The following PDE7B variants were observed in gnomAD, a reference collection of about 807,000 sequenced individuals.
The protein encoded by PDE7B is 3',5'-cyclic-AMP phosphodiesterase 7B.
PDE7B carries 29 observed loss-of-function variants against 56.2 expected under a neutral mutation model. The observed-to-expected ratio is 0.52, with a 90% confidence interval of 0.38 to 0.70. PDE7B has a LOEUF of 0.70. PDE7B is among the 30% of genes least tolerant of loss of function. The probability of loss-of-function intolerance (pLI) is 0.00; values close to 1 mark genes in which losing one functional copy is unlikely to be tolerated. For synonymous variants in PDE7B, 197 were observed against 196.9 expected (o/e 1.00, Z 0.00); for missense variants, 490 against 565.0 (o/e 0.87, Z 1.35).
intron 2 of PDE7B, among the ~76,000 whole-genome samples, chr6:136,028,560 T>C (rs1776189793): frequency 6.6e-6 from 1 of 152,236 alleles, no homozygotes; most frequent in Non-Finnish European, 1.5e-5. Context: ...CTGGAGGCTC[T>C]AAGGGATAAT....
intron 2 of PDE7B, among the ~76,000 whole-genome samples, chr6:136,056,511 C>A (rs78942122): frequency 7.5e-5 from 7 of 93,442 alleles, no homozygotes; most frequent in Middle Eastern, 7.8e-3. Context: ...CAGATAGAAT[C>A]CTTTTTTTTT....
At position 136,193,883 on chromosome 6, in the gene PDE7B, A is replaced by C. The variant is rs1021372609; in HGVS notation, c.*2043A>C. 1 of 152,210 alleles carries C rather than the reference A, an allele frequency of 6.6e-6. No individual in the cohort carries two copies. The highest frequency in any genetic ancestry group is 2.4e-5 in the African/African-American group (1 of 41,464). The allele number at this position is 152,210 out of a possible 1,614,324, so 9.4% of individuals were successfully genotyped here. A position where few individuals can be genotyped will look rare whatever the true frequency, so the allele number is the denominator to read the frequency against. On this transcript the variant is annotated 3_prime_UTR_variant, in exon 13 of 13. Coordinates refer to ENST00000308191, the MANE Select transcript of PDE7B (RefSeq NM_018945.4). ...AGAGATTATCAGATGGTGCTAAAGA[A>C]AGTGTGAAGATCTTATGAAATAGGT... is the stretch of plus-strand genomic sequence containing the variant.
rs1302211111 is a variant in PDE7B at position 136,147,412 on chromosome 6, A to G, written c.228A>G (p.Gln76=). 6.2e-7 allele frequency: 1 copy of G among 1,613,068 alleles called. No homozygotes were observed. The highest frequency in any genetic ancestry group is 8.5e-7 in the Non-Finnish European group (1 of 1,179,158). ...AGGTGAAAAGACTATTAAGCTTTCA[A>G]AGATACTTCCATGCATCAAGGCTGC... ...KKKVKRLLSF[Q]RYFHASRLLR... is the part of the protein sequence containing the mutation. The change falls in exon 4 of 13, where the codon CAA becomes CAG. Residue 76 remains glutamine, a synonymous_variant. Transcript: ENST00000308191.
intron 2 of PDE7B, among the ~76,000 whole-genome samples, chr6:136,066,517 T>C (rs376229026): frequency 2.2e-4 from 34 of 152,330 alleles, no homozygotes; most frequent in African/African-American, 7.9e-4. Flanking sequence ...AATAAGTTAA[T>C]GAAATAGGCA....
chr6:135,911,713 C>T (rs1776215172), intron 1 of PDE7B, among the ~76,000 whole-genome samples: 1 of 152,130 alleles, frequency 6.6e-6, no homozygotes, highest in African/African-American at 2.4e-5. Context: ...TCCAAATCTG[C>T]ACTATCCAAT....
chr6:136,184,260 G>A (rs879795334), intron 11 of PDE7B, among the ~76,000 whole-genome samples: 50 of 152,150 alleles, frequency 3.3e-4, no homozygotes, highest in Non-Finnish European at 1.5e-4. Context: ...GGTTAGCAAA[G>A]TGTCTGAAAC....
At chr6:135,998,881 G>C (rs560875050) in intron 2 of PDE7B, among the ~76,000 whole-genome samples, 194 of 152,228 alleles carry the variant, frequency 1.3e-3, no homozygotes, top group African/African-American at 4.4e-3. Context: ...GAGAAAGAGA[G>C]AGGAAAGAAG....
intron 12 of PDE7B, among the ~76,000 whole-genome samples, chr6:136,188,785 G>A (rs1374149305): frequency 6.6e-6 from 1 of 152,144 alleles, no homozygotes; most frequent in Non-Finnish European, 1.5e-5. Context: ...AAAGGGGCTG[G>A]GGGTTGAGTG....
intron 2 of PDE7B, among the ~76,000 whole-genome samples, chr6:136,053,748 A>G (rs999574879): frequency 1.3e-5 from 2 of 152,048 alleles, no homozygotes; most frequent in African/African-American, 4.8e-5. Context: ...AATGATTGCC[A>G]TTCTAACTGG....
intron 1 of PDE7B, among the ~76,000 whole-genome samples, chr6:135,906,103 C>T (rs1776096530): frequency 6.6e-6 from 1 of 152,062 alleles, no homozygotes; most frequent in African/African-American, 2.4e-5. Context: ...GAAGTGTGCC[C>T]ACAATGACAT....
At chr6:135,859,977 A>G (rs971975242) in intron 1 of PDE7B, among the ~76,000 whole-genome samples, 3 of 152,060 alleles carry the variant, frequency 2.0e-5, no homozygotes, top group Admixed American at 6.6e-5. Context: ...CTTGTAACCT[A>G]AAGCCCCGAG....
chr6:135,874,461 T>A (rs898034136), intron 1 of PDE7B, among the ~76,000 whole-genome samples: 1 of 152,224 alleles, frequency 6.6e-6, no homozygotes, highest in South Asian at 2.1e-4. Context: ...TATTTTATAA[T>A]GTCTACAATT....
At chr6:136,167,026 T>G (rs1778804743) in intron 8 of PDE7B, among the ~76,000 whole-genome samples, 2 of 152,080 alleles carry the variant, frequency 1.3e-5, no homozygotes, top group South Asian at 2.1e-4. Flanking sequence ...TGTTAGCTCC[T>G]CCCTTGAGGC....
intron 2 of PDE7B, among the ~76,000 whole-genome samples, chr6:136,017,567 AC>A (rs915204267): frequency 3.7e-5 from 5 of 136,564 alleles, no homozygotes; most frequent in African/African-American, 1.4e-4. Flanking sequence ...TTCAATTCCC[AC>A]CTATGAGTAA....
chr6:136,158,853 C>A (rs1266233407), intron 8 of PDE7B, among the ~76,000 whole-genome samples: 1 of 152,166 alleles, frequency 6.6e-6, no homozygotes, highest in Non-Finnish European at 1.5e-5. Flanking sequence ...ACCCTCCAAC[C>A]CCACACATAC....
At chr6:135,908,566 G>A (rs1776157420) in intron 1 of PDE7B, among the ~76,000 whole-genome samples, 1 of 151,950 alleles carries the variant, frequency 6.6e-6, no homozygotes, top group Non-Finnish European at 1.5e-5. Flanking sequence ...TGAAACACTG[G>A]AAGCAACTGA....
intron 6 of PDE7B, among the ~76,000 whole-genome samples, chr6:136,153,477 T>TA (rs1023303974): frequency 2.0e-5 from 3 of 152,154 alleles, no homozygotes; most frequent in African/African-American, 7.2e-5. Flanking sequence ...CTCTAAGCCT[T>TA]ACATTAGACT....
chr6:135,968,729 G>A (rs1345942476), intron 2 of PDE7B, among the ~76,000 whole-genome samples: 1 of 152,162 alleles, frequency 6.6e-6, no homozygotes, highest in African/African-American at 2.4e-5. Context: ...ACAGTGTGGT[G>A]ATTCCTCAAA....
chr6:136,039,385 G>A (rs189560084), intron 2 of PDE7B, among the ~76,000 whole-genome samples: 42 of 152,314 alleles, frequency 2.8e-4, no homozygotes, highest in African/African-American at 9.1e-4. Context: ...ATGAGTGTGT[G>A]TTTATGCATC....
Sources: allele counts gnomAD v4.1 joint callset (sites outside exome capture counted in the v4.1 genomes callset), GRCh38; gene constraint gnomAD v4.1.1; transcripts MANE v1.5; gene names NCBI Gene and HGNC (gene_info 2026-07-23, HGNC 2026-07-21).